The following CCDC91 variants were observed in gnomAD, a reference collection of about 807,000 sequenced individuals.
The protein encoded by CCDC91 is coiled-coil domain containing 91.
Under a neutral mutation model 63.2 loss-of-function variants are expected in CCDC91, and 48 were observed. The ratio of observed to expected loss-of-function variants is 0.76; its 90% CI spans 0.60 to 0.97. The LOEUF (loss-of-function observed/expected upper bound fraction) is 0.97, where lower values mean the gene tolerates loss of function less well. Among genes scored for constraint, CCDC91 ranks in the 50% least tolerant of loss-of-function variants. CCDC91 has a pLI of 0.00. For synonymous variants in CCDC91, 167 were observed against 165.8 expected (o/e 1.01, Z -0.06); for missense variants, 500 against 494.6 (o/e 1.01, Z -0.10).
At chr12:28,360,276 A>C (rs1206452294) in intron 6 of CCDC91, among the ~76,000 whole-genome samples, 6 of 152,366 alleles carry the variant, frequency 3.9e-5, no homozygotes, top group South Asian at 2.1e-4. Context: ...AGGTATAATA[A>C]ATAAGGGGAA....
intron 11 of CCDC91, among the ~76,000 whole-genome samples, chr12:28,475,264 A>T (rs1951023569): frequency 6.6e-6 from 1 of 152,154 alleles, no homozygotes; most frequent in African/African-American, 2.4e-5. Context: ...TGAGAAAAGC[A>T]TGCTGCTAAT....
At chr12:28,279,944 A>G (rs1446598134) in intron 3 of CCDC91, among the ~76,000 whole-genome samples, 2 of 152,144 alleles carry the variant, frequency 1.3e-5, no homozygotes, top group Admixed American at 6.6e-5. Flanking sequence ...AAAATATGAT[A>G]ACATCATATC....
At chr12:28,325,433 A>G (rs796487640) in intron 6 of CCDC91, among the ~76,000 whole-genome samples, 8 of 152,182 alleles carry the variant, frequency 5.3e-5, no homozygotes, top group African/African-American at 1.9e-4. Flanking sequence ...AAAAACAACA[A>G]AAATCACTGC....
chr12:28,494,813 G>A (rs1329613710), intron 12 of CCDC91, among the ~76,000 whole-genome samples: 2 of 151,690 alleles, frequency 1.3e-5, no homozygotes, highest in East Asian at 1.9e-4. Context: ...GGTCCTAAGA[G>A]CTCTAGATGT....
At chr12:28,410,163 C>G (rs971552262) in intron 8 of CCDC91, among the ~76,000 whole-genome samples, 6 of 152,086 alleles carry the variant, frequency 3.9e-5, no homozygotes, top group Non-Finnish European at 7.4e-5. Context: ...GACTAGTTCT[C>G]CTTGCTGCTC....
intron 8 of CCDC91, among the ~76,000 whole-genome samples, chr12:28,443,489 G>A (rs1430524047): frequency 1.3e-5 from 2 of 152,012 alleles, no homozygotes; most frequent in Non-Finnish European, 2.9e-5. Flanking sequence ...ATGCATGAAT[G>A]CCTATGTTTG....
At chr12:28,485,140 T>C (rs1325985917) in intron 12 of CCDC91, among the ~76,000 whole-genome samples, 4 of 151,580 alleles carry the variant, frequency 2.6e-5, no homozygotes, top group Admixed American at 2.0e-4. Context: ...CTCATGACAC[T>C]ACTTTAGTCC....
Position 28,529,590 on chromosome 12 carries a change from T to G in CCDC91, c.1216-19473T>G, listed in dbSNP as rs530158273. Among the ~76,000 whole-genome samples the G allele has an allele frequency of 1.1e-4, 16 of 152,306 alleles. 1 individual carries two copies. In the South Asian group the frequency reaches 2.9e-3, roughly 28 times the overall value. ...GTAGGGTTAGATGAGTGCATGCACT[T>G]GGTCCTCCTGTTTTCTAATTGCCGA... On this transcript the variant is annotated intron_variant, in intron 12 of 12. Coordinates refer to ENST00000536442, the MANE Select transcript of CCDC91 (RefSeq NM_018318.5).
intron 8 of CCDC91, among the ~76,000 whole-genome samples, chr12:28,410,351 A>G (rs1947240649): frequency 6.6e-6 from 1 of 151,988 alleles, no homozygotes; most frequent in Admixed American, 6.6e-5. Flanking sequence ...CTCCACATTT[A>G]TTTTGATTAT....
intron 6 of CCDC91, among the ~76,000 whole-genome samples, chr12:28,322,925 T>C (rs903845977): frequency 6.6e-6 from 1 of 151,562 alleles, no homozygotes; most frequent in Non-Finnish European, 1.5e-5. Flanking sequence ...TTTATTTCCT[T>C]ATTAGTATGT....
intron 1 of CCDC91, among the ~76,000 whole-genome samples, chr12:28,229,124 G>T (rs990042435): frequency 1.3e-4 from 20 of 151,736 alleles, no homozygotes; most frequent in Middle Eastern, 3.4e-3. Context: ...ATTATGGGCA[G>T]TGTTGGAGCT....
At chr12:28,204,623 T>G (rs1301550964) in intron 1 of CCDC91, among the ~76,000 whole-genome samples, 2 of 152,178 alleles carry the variant, frequency 1.3e-5, no homozygotes, top group African/African-American at 4.8e-5. Context: ...CTAAGATGTA[T>G]TTTTCTCTTC....
intron 11 of CCDC91, among the ~76,000 whole-genome samples, chr12:28,476,269 C>G (rs12230894): frequency 6.6e-6 from 1 of 152,288 alleles, no homozygotes; most frequent in Admixed American, 6.5e-5. Context: ...TAACAACAAA[C>G]TGTCTCTCAG....
intron 3 of CCDC91, among the ~76,000 whole-genome samples, chr12:28,300,885 C>T (rs1015084559): frequency 3.3e-5 from 5 of 151,452 alleles, no homozygotes; most frequent in African/African-American, 4.8e-5. Context: ...TTTTCTTTAC[C>T]ATTACATTCT....
rs933715598 is a variant in CCDC91 at position 28,352,370 on chromosome 12, G to GTGA, written c.577-10066_577-10064dup. Among the ~76,000 whole-genome samples the GTGA allele has an allele frequency of 7.1e-4, 108 of 152,276 alleles. 1 individual carries two copies. Among genetic ancestry groups the GTGA allele is most frequent in the African/African-American group, 1.9e-3 (77 of 41,538 alleles). ...AGTCCTCTGTAACATGCAGTGCTGTGTGATAGCATTTTACCCAAAATAAAA... is the reference window on the plus strand; with the variant it reads ...AGTCCTCTGTAACATGCAGTGCTGTGTGATGATAGCATTTTACCCAAAATAAAA... On this transcript the variant is annotated intron_variant, in intron 6 of 12. Coordinates refer to ENST00000536442, the MANE Select transcript of CCDC91 (RefSeq NM_018318.5).
At chr12:28,431,201 A>G (rs948861924) in intron 8 of CCDC91, among the ~76,000 whole-genome samples, 2 of 152,128 alleles carry the variant, frequency 1.3e-5, no homozygotes, top group Non-Finnish European at 2.9e-5. Flanking sequence ...AAAAGAATGT[A>G]TATTCTCCAA....
At position 28,270,726 on chromosome 12, in the gene CCDC91, G is replaced by A. The variant is rs528208592; in HGVS notation, c.109+11284G>A. Among the ~76,000 whole-genome samples, 15 of 152,158 alleles carry A rather than the reference G, an allele frequency of 9.9e-5. No homozygotes were observed. The East Asian group carries it at 1.5e-3, about 16-fold the overall frequency. On this transcript the variant is annotated intron_variant, in intron 3 of 12. Coordinates refer to ENST00000536442, the MANE Select transcript of CCDC91 (RefSeq NM_018318.5). The stretch of plus-strand genomic sequence containing the variant: ...AATCTAAACACAAGTATTTTGCGTC[G>A]ATGGAATATGTTTGATTAAATTTGT...
chr12:28,243,365 A>T (rs542579945), intron 1 of CCDC91, among the ~76,000 whole-genome samples: 1 of 152,322 alleles, frequency 6.6e-6, no homozygotes, highest in African/African-American at 2.4e-5. Context: ...AGTGTGACTA[A>T]GCCCAGTTTC....
At chr12:28,538,736 A>G (rs942237735) in intron 12 of CCDC91, among the ~76,000 whole-genome samples, 18 of 152,044 alleles carry the variant, frequency 1.2e-4, no homozygotes, top group Non-Finnish European at 2.4e-4. Context: ...GTGTAAAAGT[A>G]TTCCTATTTC....
Sources: gnomAD v4.1 joint callset for allele counts (sites outside exome capture counted in the v4.1 genomes callset) on GRCh38, gnomAD v4.1.1 for gene constraint, MANE v1.5 for transcripts, NCBI Gene and HGNC (gene_info 2026-07-23, HGNC 2026-07-21) for gene names.